ANKS1B: variants seen among roughly 807,000 people sequenced by gnomAD.
ANKS1B encodes the protein ankyrin repeat and sterile alpha motif domain containing 1B.
Under a neutral mutation model 148.3 loss-of-function variants are expected in ANKS1B, and 36 were observed. That is an observed-to-expected ratio of 0.24 (90% CI 0.19 to 0.32). The LOEUF is 0.32. Among genes scored for constraint, ANKS1B ranks in the 10% least tolerant of loss-of-function variants. The probability of loss-of-function intolerance (pLI) is 1.00; values close to 1 mark genes in which losing one functional copy is unlikely to be tolerated. For missense variants in ANKS1B, 1,157 were observed against 1,542.6 expected (o/e 0.75, Z 4.19); for synonymous variants, 542 against 560.8 (o/e 0.97, Z 0.47).
intron 1 of ANKS1B, among the ~76,000 whole-genome samples, chr12:99,941,031 G>C (rs2153815988): frequency 6.6e-6 from 1 of 152,162 alleles, no homozygotes; most frequent in African/African-American, 2.4e-5. Context: ...GTTCTGAGAG[G>C]GCTGAGACTA....
intron 15 of ANKS1B, among the ~76,000 whole-genome samples, chr12:99,112,478 CT>C: frequency 6.6e-6 from 1 of 151,030 alleles, no homozygotes; most frequent in East Asian, 1.9e-4. Flanking sequence ...AACATCTTGT[CT>C]TTTTTGTTGT....
At chr12:98,773,579 C>T (rs770623327) in intron 24 of ANKS1B, among the ~76,000 whole-genome samples, 2 of 152,048 alleles carry the variant, frequency 1.3e-5, no homozygotes, top group Admixed American at 6.6e-5. Context: ...CTCAGCCTCC[C>T]GAATAGCTGG....
At chr12:99,874,022 CATATAT>C (rs150860727) in intron 1 of ANKS1B, among the ~76,000 whole-genome samples, 2 of 137,858 alleles carry the variant, frequency 1.5e-5, no homozygotes, top group African/African-American at 3.2e-5. Context: ...CTCTCTCTCA[CATATAT>C]ATATATATAT....
intron 17 of ANKS1B, among the ~76,000 whole-genome samples, chr12:99,007,557 CACTT>C (rs1481420978): frequency 6.6e-6 from 1 of 152,186 alleles, no homozygotes; most frequent in African/African-American, 2.4e-5. Flanking sequence ...GAACCATAGT[CACTT>C]ACAGTCTAGT....
At chr12:99,421,781 T>C (rs1238463025) in intron 11 of ANKS1B, among the ~76,000 whole-genome samples, 1 of 152,164 alleles carries the variant, frequency 6.6e-6, no homozygotes, top group Non-Finnish European at 1.5e-5. Context: ...AATCTCACAC[T>C]GAACTGTAAT....
intron 9 of ANKS1B, among the ~76,000 whole-genome samples, chr12:99,575,464 C>G (rs1277232658): frequency 2.6e-5 from 4 of 152,018 alleles, no homozygotes; most frequent in Non-Finnish European, 1.5e-5. Flanking sequence ...ATACCCAAGA[C>G]TGGGTAATTT....
chr12:99,849,332 G>A (rs1056498746), intron 1 of ANKS1B, among the ~76,000 whole-genome samples: 34 of 152,062 alleles, frequency 2.2e-4, no homozygotes, highest in African/African-American at 8.2e-4. Flanking sequence ...CAGGAAAAAT[G>A]CAAATTACTA....
chr12:99,741,064 T>C (rs1034540445), intron 8 of ANKS1B, among the ~76,000 whole-genome samples: 3 of 151,904 alleles, frequency 2.0e-5, no homozygotes, highest in Non-Finnish European at 2.9e-5. Context: ...AAAAATTAGC[T>C]GGGTGTGGTG....
chr12:99,234,758 TCTGA>T (rs1337831347), intron 14 of ANKS1B, among the ~76,000 whole-genome samples: 2 of 143,326 alleles, frequency 1.4e-5, no homozygotes, highest in Non-Finnish European at 3.1e-5. Context: ...TTCATGTCTG[TCTGA>T]CTTTTTTTTT....
chr12:99,495,474 G>A (rs988460906), intron 10 of ANKS1B, among the ~76,000 whole-genome samples: 4 of 151,774 alleles, frequency 2.6e-5, no homozygotes, highest in Non-Finnish European at 5.9e-5. Context: ...TGTCCATATG[G>A]ATGAAGGAGG....
intron 25 of ANKS1B, among the ~76,000 whole-genome samples, chr12:98,760,123 C>T (rs754801593): frequency 1.3e-5 from 2 of 151,998 alleles, no homozygotes; most frequent in Non-Finnish European, 2.9e-5. Flanking sequence ...GTTATCACTG[C>T]GTATTGAGAC....
At chr12:99,416,257 G>A (rs1008241176) in intron 11 of ANKS1B, among the ~76,000 whole-genome samples, 4 of 152,176 alleles carry the variant, frequency 2.6e-5, no homozygotes, top group African/African-American at 9.7e-5. Context: ...TTCACCCAAT[G>A]AAGGACATCT....
chr12:99,024,508 G>A, intron 17 of ANKS1B, among the ~76,000 whole-genome samples: 1 of 152,128 alleles, frequency 6.6e-6, no homozygotes, highest in East Asian at 1.9e-4. Flanking sequence ...TCTCTGGGAT[G>A]TATTCCTAGG....
intron 17 of ANKS1B, among the ~76,000 whole-genome samples, chr12:99,005,956 GTCT>G (rs1288903622): frequency 6.6e-6 from 1 of 152,268 alleles, no homozygotes; most frequent in East Asian, 1.9e-4. Context: ...GACGATGAAA[GTCT>G]TCTTCCAATG....
At chr12:99,306,652 T>TCCAAAGAC (rs2082390520) in intron 12 of ANKS1B, among the ~76,000 whole-genome samples, 2 of 152,214 alleles carry the variant, frequency 1.3e-5, no homozygotes, top group South Asian at 4.1e-4. Flanking sequence ...GCTAAGCAGG[T>TCCAAAGAC]CCAAAGAGGC....
At chr12:98,892,867 C>G (rs1031206558) in intron 17 of ANKS1B, among the ~76,000 whole-genome samples, 1 of 152,174 alleles carries the variant, frequency 6.6e-6, no homozygotes, top group East Asian at 1.9e-4. Flanking sequence ...ACACATGAAT[C>G]TATTGTCACT....
intron 4 of ANKS1B, among the ~76,000 whole-genome samples, chr12:99,783,441 G>A (rs545897904): frequency 1.1e-4 from 17 of 152,078 alleles, no homozygotes; most frequent in Non-Finnish European, 2.5e-4. Context: ...AAATGCGACA[G>A]TTTCACACCA....
intron 2 of ANKS1B, among the ~76,000 whole-genome samples, chr12:99,818,168 T>C (rs1021964897): frequency 6.6e-6 from 1 of 151,774 alleles, no homozygotes. Flanking sequence ...AATGCAAAAA[T>C]AGACAAATGG....
chr12:99,849,646 T>C (rs1386054726), intron 1 of ANKS1B, among the ~76,000 whole-genome samples: 1 of 152,066 alleles, frequency 6.6e-6, no homozygotes, highest in African/African-American at 2.4e-5. Context: ...TCACAAAGAA[T>C]ACTACACAGC....
Sources: allele counts gnomAD v4.1 joint callset (sites outside exome capture counted in the v4.1 genomes callset), GRCh38; gene constraint gnomAD v4.1.1; transcripts MANE v1.5; gene names NCBI Gene and HGNC (gene_info 2026-07-23, HGNC 2026-07-21).